Variants in FOXP2 observed in about 807,000 individuals in gnomAD.
The protein encoded by FOXP2 is forkhead box P2.
A neutral mutation model predicts 115.8 loss-of-function variants in FOXP2; 12 were observed. That is an observed-to-expected ratio of 0.10 (90% CI 0.07 to 0.17). FOXP2 has a LOEUF of 0.17. FOXP2 is among the 10% of genes least tolerant of loss of function. FOXP2 has a pLI of 1.00. For synonymous variants in FOXP2, 328 were observed against 297.7 expected (o/e 1.10, Z -1.05); for missense variants, 629 against 843.5 (o/e 0.75, Z 3.15).
chr7:114,672,351 G>A (rs1018740110), intron 16 of FOXP2, among the ~76,000 whole-genome samples: 3 of 152,126 alleles, frequency 2.0e-5, no homozygotes, highest in Non-Finnish European at 4.4e-5. Context: ...TTGGGAGGCC[G>A]AGGTGGGCAG....
At chr7:114,178,401 A>G (rs577862247) in intron 1 of FOXP2, among the ~76,000 whole-genome samples, 10 of 152,050 alleles carry the variant, frequency 6.6e-5, no homozygotes, top group Middle Eastern at 3.4e-3. Context: ...GTGACATTAC[A>G]TACCAAGGTA....
intron 3 of FOXP2, among the ~76,000 whole-genome samples, chr7:114,606,522 G>A (rs1447262784): frequency 6.6e-6 from 1 of 152,148 alleles, no homozygotes; most frequent in Admixed American, 6.5e-5. Flanking sequence ...GTCACAATGA[G>A]AAAATTATTT....
intron 1 of FOXP2, among the ~76,000 whole-genome samples, chr7:114,251,343 G>T (rs933400635): frequency 5.9e-5 from 9 of 152,158 alleles, no homozygotes; most frequent in African/African-American, 2.2e-4. Context: ...GAAAGTCATT[G>T]GTAGCTTGAT....
intron 2 of FOXP2, among the ~76,000 whole-genome samples, chr7:114,509,995 TAGC>T (rs1366503161): frequency 6.6e-6 from 1 of 151,834 alleles, no homozygotes; most frequent in Non-Finnish European, 1.5e-5. Context: ...AGCTGAGAAA[TAGC>T]AGCCAGTGTA....
chr7:114,421,584 T>G (rs1238582186), intron 1 of FOXP2, among the ~76,000 whole-genome samples: 1 of 151,662 alleles, frequency 6.6e-6, no homozygotes, highest in Non-Finnish European at 1.5e-5. Context: ...AAATACTTAA[T>G]AAACAAGTTA....
upstream of FOXP2, among the ~76,000 whole-genome samples, chr7:114,087,067 A>G (rs977049781): frequency 6.6e-6 from 1 of 152,028 alleles, no homozygotes; most frequent in Non-Finnish European, 1.5e-5. Flanking sequence ...CCCACCCCCA[A>G]CCTCGGGAGG....
chr7:114,577,360 G>A (rs893753436), intron 3 of FOXP2, among the ~76,000 whole-genome samples: 3 of 151,760 alleles, frequency 2.0e-5, no homozygotes, highest in Admixed American at 6.6e-5. Context: ...TACTATCACC[G>A]GAGTTTTGTT....
chr7:114,257,217 G>A (rs1015811665), intron 1 of FOXP2, among the ~76,000 whole-genome samples: 4 of 152,100 alleles, frequency 2.6e-5, no homozygotes, highest in Non-Finnish European at 4.4e-5. Context: ...TTTAATAAAT[G>A]GTGCTGGGAG....
chr7:114,139,314 T>C (rs1393791708), intron 1 of FOXP2, among the ~76,000 whole-genome samples: 1 of 152,190 alleles, frequency 6.6e-6, no homozygotes, highest in Non-Finnish European at 1.5e-5. Context: ...ATTCTTGGAC[T>C]CAGAGAATAG....
rs533192094 is a variant in FOXP2 at position 114,135,911 on chromosome 7, G to A, written c.-246-27033G>A. 9.9e-5 allele frequency among the ~76,000 whole-genome samples: 15 copies of A among 152,072 alleles called. No homozygotes were observed. The South Asian group carries it at 1.0e-3, about 11-fold the overall frequency. On this transcript the variant is annotated intron_variant, in intron 1 of 19. Transcript: ENST00000635638. ...ATAATTAGAGAAGAGGTATACTACC[G>A]TATGTATTTAATAAATGTTATACGT...
At chr7:114,099,880 A>G (rs1799739427) in intron 1 of FOXP2, among the ~76,000 whole-genome samples, 1 of 152,188 alleles carries the variant, frequency 6.6e-6, no homozygotes, top group South Asian at 2.1e-4. Flanking sequence ...GGGTAATAAA[A>G]TTGGGATTCA....
intron 2 of FOXP2, among the ~76,000 whole-genome samples, chr7:114,343,812 A>G (rs1791270960): frequency 6.6e-6 from 1 of 151,698 alleles, no homozygotes. Context: ...TTAAAAATAC[A>G]GTAGCCATTC....
At chr7:114,570,932 G>A (rs1801270119) in intron 3 of FOXP2, 2 of 1,474,194 alleles carry the variant, frequency 1.4e-6, no homozygotes, top group East Asian at 4.5e-5. Context: ...CAAGGCCATG[G>A]ACCCAGTCCC....
upstream of FOXP2, among the ~76,000 whole-genome samples, chr7:114,158,915 G>A (rs1792748569): frequency 6.6e-6 from 1 of 152,042 alleles, no homozygotes; most frequent in African/African-American, 2.4e-5. Context: ...ATAACAAAAA[G>A]ACTTGGGTTG....
intron 3 of FOXP2, among the ~76,000 whole-genome samples, chr7:114,542,228 G>A (rs1041880224): frequency 6.6e-6 from 1 of 150,720 alleles, no homozygotes; most frequent in Non-Finnish European, 1.5e-5. Context: ...TTACTTTATT[G>A]CTGTCTCTTT....
chr7:114,410,762 A>G (rs1340016950), upstream of FOXP2, among the ~76,000 whole-genome samples: 1 of 152,072 alleles, frequency 6.6e-6, no homozygotes, highest in Admixed American at 6.6e-5. Context: ...ATAGCTATAC[A>G]CAGGTAGTTT....
At chr7:114,407,211 G>T (rs1584700337) in intron 2 of FOXP2, among the ~76,000 whole-genome samples, 1 of 151,882 alleles carries the variant, frequency 6.6e-6, no homozygotes, top group South Asian at 2.1e-4. Context: ...GTCTGCAAAA[G>T]AAATTCATAA....
In FOXP2 at chr7:114,507,161, C is replaced by A. The variant is rs560742575; in HGVS notation, c.169-27456C>A. On this transcript the variant is annotated intron_variant, in intron 2 of 16. Transcript: ENST00000350908. ...AAATTAGATTCTTACCCCTACCCCCCCCAAATAAACCAAAAACAAACTTTC... is the reference window on the plus strand; with the variant it reads ...AAATTAGATTCTTACCCCTACCCCCACCAAATAAACCAAAAACAAACTTTC... Among the ~76,000 whole-genome samples, 83 of 151,712 alleles carry A rather than the reference C, an allele frequency of 5.5e-4. 1 individual carries two copies. In the South Asian group the frequency reaches 0.016, roughly 28 times the overall value.
At chr7:114,673,327 T>C (rs1245333023) in intron 16 of FOXP2, among the ~76,000 whole-genome samples, 1 of 152,214 alleles carries the variant, frequency 6.6e-6, no homozygotes, top group African/African-American at 2.4e-5. Flanking sequence ...GTGTCTGAGA[T>C]TGGGCACAAT....
Sources: gnomAD v4.1 joint callset for allele counts (sites outside exome capture counted in the v4.1 genomes callset) on GRCh38, gnomAD v4.1.1 for gene constraint, MANE v1.5 for transcripts, NCBI Gene and HGNC (gene_info 2026-07-23, HGNC 2026-07-21) for gene names.